Variants in MCC observed in about 807,000 individuals in gnomAD.
MCC encodes MCC regulator of Wnt signaling pathway, also known as colorectal mutant cancer protein.
In MCC, 90 loss-of-function variants were observed where a neutral mutation model predicts 116.2. The ratio of observed to expected loss-of-function variants is 0.77; its 90% CI spans 0.65 to 0.92. The LOEUF (loss-of-function observed/expected upper bound fraction) is 0.92. MCC is among the 40% of genes least tolerant of loss of function. The pLI is 0.00. For synonymous variants in MCC, 578 were observed against 510.5 expected (o/e 1.13, Z -1.78); for missense variants, 1,516 against 1,312.2 (o/e 1.16, Z -2.40).
At chr5:113,421,177 A>C (rs1409593258) in intron 1 of MCC, among the ~76,000 whole-genome samples, 2 of 152,036 alleles carry the variant, frequency 1.3e-5, no homozygotes, top group Non-Finnish European at 2.9e-5. Flanking sequence ...GGCACGCGCC[A>C]CCATGCCCAG....
Position 113,049,267 on chromosome 5 carries a change from G to A in MCC, c.2481C>T (p.Tyr827=), listed in dbSNP as rs372615947. ...GGGCCTTCTTCTCTTTCTCCAGTAG[G>A]TAGAGCTGGGCCTTCAACTCGGCCA... The part of the protein sequence containing the change: ...EEMAELKAQL[Y]LLEKEKKALE... The change falls in exon 16 of 19, where the codon TAC becomes TAT. Residue 827 remains tyrosine, a synonymous_variant. Transcript: ENST00000408903. 1.9e-6 allele frequency: 3 copies of A among 1,609,356 alleles called. No individual in the cohort carries two copies. The African/African-American group carries it at 4.0e-5, about 21-fold the overall frequency.
At chr5:113,315,783 G>A (rs1198660750) in intron 3 of MCC, among the ~76,000 whole-genome samples, 2 of 151,968 alleles carry the variant, frequency 1.3e-5, no homozygotes, top group Admixed American at 6.6e-5. Context: ...AGGCTGAGGT[G>A]GGAGGATCAC....
rs112457284 is a variant in MCC at position 113,178,263 on chromosome 5, G to C, written c.628-26841C>G. On this transcript the variant is annotated intron_variant, in intron 3 of 18. Transcript: ENST00000408903. Reference sequence around the variant, plus strand: ...CAGTCCCTGTTATGGAACCAGATAAGGCAGTGGCGAGTGGACCATCTCAGT... The same window carrying C: ...CAGTCCCTGTTATGGAACCAGATAACGCAGTGGCGAGTGGACCATCTCAGT... Among the ~76,000 whole-genome samples the C allele has an allele frequency of 5.9e-5, 9 of 152,340 alleles. 1 individual carries two copies. The highest frequency in any genetic ancestry group is 2.2e-4 in the African/African-American group (9 of 41,572).
At chr5:113,185,106 C>A (rs530328200) in intron 3 of MCC, among the ~76,000 whole-genome samples, 2 of 152,088 alleles carry the variant, frequency 1.3e-5, no homozygotes, top group African/African-American at 4.8e-5. Flanking sequence ...AGCCTCTGCA[C>A]GATGGTTCAA....
intron 5 of MCC, among the ~76,000 whole-genome samples, chr5:113,133,528 T>C (rs1581130124): frequency 6.6e-6 from 1 of 152,166 alleles, no homozygotes; most frequent in Admixed American, 6.5e-5. Context: ...TATTCATCTG[T>C]TGATAGGCAC....
At chr5:113,275,291 AT>A (rs1463274085) in intron 3 of MCC, among the ~76,000 whole-genome samples, 1 of 152,242 alleles carries the variant, frequency 6.6e-6, no homozygotes, top group East Asian at 1.9e-4. Flanking sequence ...GTTGCTCTAG[AT>A]TAGCATTTTG....
intron 3 of MCC, among the ~76,000 whole-genome samples, chr5:113,257,757 T>C (rs903640118): frequency 1.6e-4 from 24 of 152,230 alleles, no homozygotes; most frequent in African/African-American, 5.8e-4. Context: ...TTTAAATACA[T>C]TTAAAGGCTG....
intron 3 of MCC, among the ~76,000 whole-genome samples, chr5:113,153,379 G>A (rs559719593): frequency 6.6e-6 from 1 of 152,132 alleles, no homozygotes; most frequent in Non-Finnish European, 1.5e-5. Flanking sequence ...CCATGAACTG[G>A]GCCAGATGGA....
intron 11 of MCC, among the ~76,000 whole-genome samples, chr5:113,081,769 AC>A (rs1241107992): frequency 3.1e-5 from 1 of 32,092 alleles, no homozygotes; most frequent in Non-Finnish European, 7.6e-5. Context: ...ATTTAAAATG[AC>A]CTAGATTGCC....
rs192720868 is a variant in MCC at position 113,427,296 on chromosome 5, A to G, written c.171-42084T>C. 4.6e-5 allele frequency among the ~76,000 whole-genome samples: 7 copies of G among 152,350 alleles called. No homozygotes were observed. The East Asian group carries it at 1.3e-3, about 29-fold the overall frequency. ...CCCTAATATGCAATTAAAGCAATTA[A>G]AAACATTTCCCAAATGCTTATGTGG... On this transcript the variant is annotated intron_variant, in intron 1 of 18. Transcript: ENST00000408903.
At chr5:113,084,014 A>G (rs575849398) in intron 10 of MCC, 87 bp downstream of exon 10, 2 of 999,390 alleles carry the variant, frequency 2.0e-6, no homozygotes, top group South Asian at 2.7e-5. Context: ...TTGGAGATAG[A>G]CTTTGGAAGT....
At chr5:113,443,058 G>A (rs1771091049) in intron 1 of MCC, among the ~76,000 whole-genome samples, 1 of 152,022 alleles carries the variant, frequency 6.6e-6, no homozygotes, top group Non-Finnish European at 1.5e-5. Context: ...AGCTTGATGG[G>A]GATGGCATTG....
At chr5:113,488,173 CA>C in intron 1 of MCC, 71 bp downstream of exon 1, 3 of 1,438,738 alleles carry the variant, frequency 2.1e-6, no homozygotes, top group Non-Finnish European at 2.8e-6. Flanking sequence ...GGCGAGGGGG[CA>C]GAGCAGGGGT....
intron 3 of MCC, among the ~76,000 whole-genome samples, chr5:113,247,733 A>AT (rs902094749): frequency 1.3e-5 from 2 of 152,114 alleles, no homozygotes; most frequent in Non-Finnish European, 2.9e-5. Flanking sequence ...AGTAAATGGG[A>AT]TTTGGCCATC....
Position 113,053,848 on chromosome 5 carries a change from C to A in MCC, c.2325G>T (p.Leu775=), listed in dbSNP as rs1752642970. 1 of 1,614,122 alleles carries A rather than the reference C, an allele frequency of 6.2e-7. No homozygotes were observed. The highest frequency in any genetic ancestry group is 1.6e-4 in the Middle Eastern group (1 of 6,062). Reference sequence around the variant, plus strand: ...GGATGCTTTCCAGCTCCAGCATGGTCAGCTTGACCGCAGCCCTGTCATTCT... The same window carrying A: ...GGATGCTTTCCAGCTCCAGCATGGTAAGCTTGACCGCAGCCCTGTCATTCT... ...QLKNDRAAVK[L]TMLELESIHI... Residue 775 remains leucine, a synonymous_variant, in exon 15 of 19, where the codon CTG becomes CTT. Transcript: ENST00000408903.
intron 4 of MCC, among the ~76,000 whole-genome samples, chr5:113,146,284 T>G (rs1181606016): frequency 6.6e-6 from 1 of 152,226 alleles, no homozygotes; most frequent in East Asian, 1.9e-4. Flanking sequence ...ATCCCAGACT[T>G]CTCTTCTGGA....
At chr5:113,157,638 T>C (rs930709492) in intron 3 of MCC, among the ~76,000 whole-genome samples, 1 of 152,190 alleles carries the variant, frequency 6.6e-6, no homozygotes, top group African/African-American at 2.4e-5. Flanking sequence ...GTCTGGCTAC[T>C]TGAAGTGCTA....
At position 113,184,472 on chromosome 5, in the gene MCC, G is replaced by GTTTTTTTTTT. The variant is rs200787776; in HGVS notation, c.628-33051_628-33050insAAAAAAAAAA. On this transcript the variant is annotated intron_variant, in intron 3 of 18. Transcript: ENST00000408903. ...ACATAGCAATTTAGTTTCTTTCTTC[G>GTTTTTTTTTT]TTTTTTGTTTTTTTTTTTTTTTTTT... Among the ~76,000 whole-genome samples the GTTTTTTTTTT allele has an allele frequency of 9.7e-5, 12 of 123,796 alleles. 2 individuals are homozygous for GTTTTTTTTTT. Among genetic ancestry groups the GTTTTTTTTTT allele is most frequent in the Non-Finnish European group, 6.4e-5 (4 of 62,024 alleles). 81.2% of individuals were successfully genotyped at this position (123,796 alleles called of 152,430 possible).
intron 3 of MCC, among the ~76,000 whole-genome samples, chr5:113,196,965 A>G (rs754126774): frequency 6.6e-6 from 1 of 152,260 alleles, no homozygotes. Flanking sequence ...GCCATCCTAC[A>G]TGTAACATTG....
Sources: gnomAD v4.1 joint callset for allele counts (sites outside exome capture counted in the v4.1 genomes callset) on GRCh38, gnomAD v4.1.1 for gene constraint, MANE v1.5 for transcripts, NCBI Gene and HGNC (gene_info 2026-07-23, HGNC 2026-07-21) for gene names.